The following TBPL2 variants were observed in gnomAD, a reference collection of about 807,000 sequenced individuals.
TBPL2 encodes the protein TATA-box binding protein like 2.
TBPL2 carries 40 observed loss-of-function variants against 38.2 expected under a neutral mutation model. That is an observed-to-expected ratio of 1.05 (90% confidence interval 0.81 to 1.36). TBPL2 has a LOEUF of 1.36. Ranked by LOEUF, TBPL2 falls within the 40% of genes most tolerant of loss-of-function variation. TBPL2 has a pLI of 0.00. For missense variants in TBPL2, 461 were observed against 456.7 expected, an observed-to-expected ratio of 1.01 and a Z score of -0.09; for synonymous variants, 169 against 171.7, an observed-to-expected ratio of 0.98 and a Z score of 0.12.
chr14:55,415,617 C>T (rs531245822), intron 6 of TBPL2, among the ~76,000 whole-genome samples: 2 of 152,246 alleles, frequency 1.3e-5, no homozygotes, highest in East Asian at 3.9e-4. Flanking sequence ...GTAATCCCAG[C>T]ACTTTGGGAG....
At chr14:55,428,555 G>C (rs1304283460) in intron 5 of TBPL2, among the ~76,000 whole-genome samples, 7 of 152,246 alleles carry the variant, frequency 4.6e-5, no homozygotes, top group African/African-American at 1.7e-4. Context: ...AAGAAACCCA[G>C]CCAGAGATGT....
At chr14:55,438,072 A>G (rs1886044458) in intron 1 of TBPL2, among the ~76,000 whole-genome samples, 2 of 152,190 alleles carry the variant, frequency 1.3e-5, no homozygotes, top group Admixed American at 1.3e-4. Context: ...TAAATGCATT[A>G]CCACCTGCTT....
chr14:55,415,480 C>CA (rs891331403), intron 6 of TBPL2, among the ~76,000 whole-genome samples: 10 of 151,834 alleles, frequency 6.6e-5, no homozygotes, highest in African/African-American at 9.7e-5. Context: ...AACAGGTACT[C>CA]AAAAAAAATA....
At chr14:55,433,641 C>A (rs760796528) in exon 4 of TBPL2, 1 of 1,613,968 alleles carries the variant, frequency 6.2e-7, no homozygotes, top group East Asian at 2.2e-5. Flanking sequence ...TTTTGGCTCC[C>A]GTGCAGACCA....
Position 55,425,197 on chromosome 14 carries a change from T to C in TBPL2, c.957-944A>G, listed in dbSNP as rs146779632. On this transcript the variant is annotated intron_variant, in intron 5 of 6. Coordinates refer to ENST00000247219, the Ensembl canonical transcript of TBPL2. ...TGCCCATCTCAAGTATAGGAGGTCATTGTGGGTGGAACTGTCTTCTGGAAC... is the reference window on the plus strand; with the variant it reads ...TGCCCATCTCAAGTATAGGAGGTCACTGTGGGTGGAACTGTCTTCTGGAAC... Among the ~76,000 whole-genome samples the C allele has an allele frequency of 3.2e-3, 482 of 152,274 alleles. 2 individuals carry two copies. Among genetic ancestry groups the C allele is most frequent in the Middle Eastern group, 0.02 (6 of 294 alleles).
chr14:55,430,588 G>A (rs749439794), intron 4 of TBPL2, among the ~76,000 whole-genome samples: 3 of 151,952 alleles, frequency 2.0e-5, no homozygotes, highest in African/African-American at 7.3e-5. Flanking sequence ...TAGAGACAGG[G>A]TCTTGCTGTC....
Position 55,427,752 on chromosome 14 carries a change from C to G in TBPL2, c.956+1055G>C, listed in dbSNP as rs532721991. ...AGCACTAGCTGTTGAGACGGGAAGT[C>G]TGAAGTCAGGAAGGCTAGAGATATT... On this transcript the variant is annotated intron_variant, in intron 5 of 6. Transcript: ENST00000247219. Among the ~76,000 whole-genome samples the G allele has an allele frequency of 5.3e-5, 8 of 151,860 alleles. No homozygotes were observed. In the East Asian group the frequency reaches 1.5e-3, roughly 29 times the overall value.
chr14:55,421,072 AAAAAAAG>A (rs1346662293), intron 6 of TBPL2, among the ~76,000 whole-genome samples: 2 of 151,588 alleles, frequency 1.3e-5, no homozygotes, highest in Non-Finnish European at 2.9e-5. Flanking sequence ...AAAAAAAAAA[AAAAAAAG>A]AAAAAAGAAA....
intron 5 of TBPL2, among the ~76,000 whole-genome samples, chr14:55,425,761 G>A (rs1885811644): frequency 6.6e-6 from 1 of 152,056 alleles, no homozygotes; most frequent in South Asian, 2.1e-4. Flanking sequence ...CTGCTTTATG[G>A]TCTCATAGCC....
intron 4 of TBPL2, among the ~76,000 whole-genome samples, chr14:55,433,309 CTTTTTTTTTT>C (rs71131269): frequency 1.5e-4 from 18 of 119,892 alleles, no homozygotes; most frequent in African/African-American, 5.3e-4. Context: ...TTAGATTTCT[CTTTTTTTTTT>C]TTTTTTTTTT....
At chr14:55,420,632 A>C (rs1229217336) in intron 6 of TBPL2, among the ~76,000 whole-genome samples, 2 of 152,254 alleles carry the variant, frequency 1.3e-5, no homozygotes, top group Non-Finnish European at 2.9e-5. Context: ...CATGTCTTGC[A>C]AGAAATTTAA....
chr14:55,429,064 C>G lies in TBPL2; in HGVS notation c.789-90G>C, dbSNP rs919567689. ...TATTGGATTGTTACCATTTGTACCA[C>G]GTTTATCTTTCAATGTATACTATGA... On this transcript the variant is annotated intron_variant, in intron 4 of 6. Transcript: ENST00000247219. The G allele has an allele frequency of 6.1e-6, 9 of 1,479,482 alleles. No homozygotes were observed. The East Asian group carries it at 2.0e-4, about 34-fold the overall frequency. 91.6% of individuals were successfully genotyped at this position (1,479,482 alleles called of 1,614,324 possible). A position where few individuals can be genotyped will look rare whatever the true frequency, so the allele number is the denominator to read the frequency against.
chr14:55,427,112 C>G (rs532502118), intron 5 of TBPL2, among the ~76,000 whole-genome samples: 3 of 152,124 alleles, frequency 2.0e-5, no homozygotes, highest in African/African-American at 7.2e-5. Flanking sequence ...AACTTAAGCA[C>G]TGGGAGACTC....
intron 6 of TBPL2, among the ~76,000 whole-genome samples, chr14:55,417,544 C>T (rs1885686941): frequency 6.6e-6 from 1 of 151,568 alleles, no homozygotes; most frequent in Non-Finnish European, 1.5e-5. Flanking sequence ...ACCTCTGCCT[C>T]CTGGGTTTGG....
At chr14:55,424,915 G>T (rs573046865) in intron 5 of TBPL2, among the ~76,000 whole-genome samples, 3 of 152,276 alleles carry the variant, frequency 2.0e-5, no homozygotes, top group Non-Finnish European at 4.4e-5. Flanking sequence ...TCTTAGAAAG[G>T]CTTGAGGAAC....
chr14:55,429,110 G>C (rs1352710661), intron 4 of TBPL2, 136 bp from the exon 5 acceptor site: 4 of 1,071,684 alleles, frequency 3.7e-6, no homozygotes, highest in Middle Eastern at 4.3e-4. Context: ...TTTGTGAGGA[G>C]GACTTACTTC....
At chr14:55,432,677 A>G (rs1885950720) in intron 4 of TBPL2, among the ~76,000 whole-genome samples, 1 of 152,266 alleles carries the variant, frequency 6.6e-6, no homozygotes, top group South Asian at 2.1e-4. Flanking sequence ...TATAAAAAGA[A>G]TATCGACACC....
At chr14:55,432,608 T>C (rs1885949255) in intron 4 of TBPL2, among the ~76,000 whole-genome samples, 1 of 152,190 alleles carries the variant, frequency 6.6e-6, no homozygotes, top group Non-Finnish European at 1.5e-5. Flanking sequence ...TTATTTAATC[T>C]CACTAGTAAA....
chr14:55,427,927 G>GGA (rs1885853899), intron 5 of TBPL2, among the ~76,000 whole-genome samples: 1 of 143,594 alleles, frequency 7.0e-6, no homozygotes, highest in Non-Finnish European at 1.5e-5. Flanking sequence ...GGCCCGGGCT[G>GGA]GAGTGCAGTG....
Sources: allele counts gnomAD v4.1 joint callset (sites outside exome capture counted in the v4.1 genomes callset), GRCh38; gene constraint gnomAD v4.1.1; transcripts MANE v1.5; gene names NCBI Gene and HGNC (gene_info 2026-07-23, HGNC 2026-07-21).